RGS5: variants seen among roughly 807,000 people sequenced by gnomAD.
RGS5 encodes regulator of G protein signaling 5, also known as regulator of G-protein signalling 5.
In RGS5, 20 loss-of-function variants were observed where a neutral mutation model predicts 18.9. The ratio of observed to expected loss-of-function variants is 1.06; its 90% CI spans 0.74 to 1.54. The LOEUF (loss-of-function observed/expected upper bound fraction) is 1.54, where lower values mean the gene tolerates loss of function less well. Ranked by LOEUF, RGS5 falls within the 40% of genes most tolerant of loss-of-function variation. RGS5 has a pLI of 0.00. For missense variants in RGS5, 201 were observed against 211.8 expected, an observed-to-expected ratio of 0.95 and a Z score of 0.32; for synonymous variants, 57 against 76.2, an observed-to-expected ratio of 0.75 and a Z score of 1.31.
intron 2 of RGS5, among the ~76,000 whole-genome samples, chr1:163,276,275 T>G (rs962892774): frequency 6.6e-6 from 1 of 152,188 alleles, no homozygotes; most frequent in Non-Finnish European, 1.5e-5. Context: ...ATTACAGGCA[T>G]GAGCCACCGC....
chr1:163,199,373 T>C (rs1659690059), intron 1 of RGS5, among the ~76,000 whole-genome samples: 1 of 152,204 alleles, frequency 6.6e-6, no homozygotes, highest in Non-Finnish European at 1.5e-5. Flanking sequence ...TATATCAAAG[T>C]TGACTTTGGC....
chr1:163,251,550 G>A (rs994418818), intron 2 of RGS5, among the ~76,000 whole-genome samples: 6 of 151,852 alleles, frequency 4.0e-5, no homozygotes, highest in Admixed American at 6.6e-5. Context: ...CTTTTCTATC[G>A]TTTCTATCTT....
At chr1:163,156,431 A>T (rs912927946) in intron 3 of RGS5, among the ~76,000 whole-genome samples, 2 of 152,176 alleles carry the variant, frequency 1.3e-5, no homozygotes, top group Non-Finnish European at 2.9e-5. Context: ...ATGTTGCCTC[A>T]TCTGTGAGGT....
At chr1:163,255,138 T>C in intron 2 of RGS5, among the ~76,000 whole-genome samples, 1 of 152,048 alleles carries the variant, frequency 6.6e-6, no homozygotes, top group Non-Finnish European at 1.5e-5. Flanking sequence ...TGGGCTCTTT[T>C]TTGGTTCCAT....
chr1:163,207,671 T>C (rs992141892), upstream of RGS5, among the ~76,000 whole-genome samples: 11 of 152,192 alleles, frequency 7.2e-5, no homozygotes, highest in Admixed American at 1.3e-4. Context: ...CTTTTTAATA[T>C]TGGTGTGCAA....
At chr1:163,197,374 C>T (rs1197464373) in intron 1 of RGS5, among the ~76,000 whole-genome samples, 1 of 152,126 alleles carries the variant, frequency 6.6e-6, no homozygotes, top group African/African-American at 2.4e-5. Flanking sequence ...TCCGTATAAC[C>T]TTGTAAATTC....
At chr1:163,226,740 A>T (rs1394030106) in intron 2 of RGS5, among the ~76,000 whole-genome samples, 1 of 152,206 alleles carries the variant, frequency 6.6e-6, no homozygotes, top group East Asian at 1.9e-4. Context: ...GCTAAGTTTT[A>T]TGTGATGTGT....
intron 3 of RGS5, among the ~76,000 whole-genome samples, chr1:163,154,783 G>A (rs1469581531): frequency 6.6e-6 from 1 of 150,504 alleles, no homozygotes; most frequent in African/African-American, 2.4e-5. Context: ...ATTTCTCTCT[G>A]TGTCATGGTT....
chr1:163,311,932 A>G (rs762488251), intron 1 of RGS5, among the ~76,000 whole-genome samples: 1 of 152,258 alleles, frequency 6.6e-6, no homozygotes, highest in Non-Finnish European at 1.5e-5. Flanking sequence ...TCTGCAAATC[A>G]TAATGAAGTG....
At chr1:163,188,484 T>C (rs969830660) in intron 1 of RGS5, among the ~76,000 whole-genome samples, 4 of 152,176 alleles carry the variant, frequency 2.6e-5, no homozygotes, top group African/African-American at 9.7e-5. Context: ...GGGCATATAG[T>C]GTGAAGGAGT....
rs114817316 is a variant in RGS5 at position 163,175,568 on chromosome 1, T to A, written c.45-7200A>T. Among the ~76,000 whole-genome samples, 1,394 of 152,282 alleles carry A rather than the reference T, an allele frequency of 9.2e-3. 21 individuals carry two copies. Among genetic ancestry groups the A allele is most frequent in the African/African-American group, 0.032 (1,310 of 41,550 alleles). ...GGCCCCTAAAATCAAGATGGACTCT[T>A]AACTGCAGAGAAAGGCAGTGCCGGG... On this transcript the variant is annotated intron_variant, in intron 1 of 4. Transcript: ENST00000313961.
chr1:163,317,765 T>C (rs1650066028), intron 1 of RGS5, among the ~76,000 whole-genome samples: 1 of 152,174 alleles, frequency 6.6e-6, no homozygotes, highest in Non-Finnish European at 1.5e-5. Flanking sequence ...ATAAACATTG[T>C]TAGCCTCTAT....
At chr1:163,190,001 A>G in intron 1 of RGS5, among the ~76,000 whole-genome samples, 1 of 152,246 alleles carries the variant, frequency 6.6e-6, no homozygotes, top group East Asian at 1.9e-4. Context: ...ATGTTTAAGC[A>G]GGCTCTGTGT....
chr1:163,189,368 A>C (rs950895868), intron 1 of RGS5, among the ~76,000 whole-genome samples: 9 of 152,236 alleles, frequency 5.9e-5, no homozygotes, highest in African/African-American at 1.9e-4. Flanking sequence ...CAACAAGGTA[A>C]AAATGTTCAA....
chr1:163,231,563 T>TC (rs1647481978), intron 2 of RGS5, among the ~76,000 whole-genome samples: 1 of 152,072 alleles, frequency 6.6e-6, no homozygotes, highest in South Asian at 2.1e-4. Context: ...AAACGTTGGG[T>TC]CTATTTTTAG....
intron 3 of RGS5, among the ~76,000 whole-genome samples, chr1:163,160,889 T>C (rs1306763002): frequency 6.6e-6 from 1 of 152,206 alleles, no homozygotes; most frequent in African/African-American, 2.4e-5. Flanking sequence ...CCCGATACTA[T>C]ATACTTCCTG....
At chr1:163,196,575 G>A (rs914575393) in intron 1 of RGS5, among the ~76,000 whole-genome samples, 1 of 152,158 alleles carries the variant, frequency 6.6e-6, no homozygotes, top group Non-Finnish European at 1.5e-5. Context: ...CTGGAATACA[G>A]AATGCAATTC....
intron 2 of RGS5, among the ~76,000 whole-genome samples, chr1:163,287,250 G>C (rs890317493): frequency 3.9e-5 from 6 of 152,080 alleles, no homozygotes; most frequent in Admixed American, 1.3e-4. Context: ...TCTCTATGTA[G>C]AATGCTAGGA....
chr1:163,197,486 G>A (rs1659610511), intron 1 of RGS5, among the ~76,000 whole-genome samples: 1 of 152,124 alleles, frequency 6.6e-6, no homozygotes, highest in African/African-American at 2.4e-5. Flanking sequence ...TTGCAACACT[G>A]AGCATTAATT....
Sources: gnomAD v4.1 joint callset for allele counts (sites outside exome capture counted in the v4.1 genomes callset) on GRCh38, gnomAD v4.1.1 for gene constraint, MANE v1.5 for transcripts, NCBI Gene and HGNC (gene_info 2026-07-23, HGNC 2026-07-21) for gene names.